The following PLEKHH2 variants were observed in gnomAD, a reference collection of about 807,000 sequenced individuals.
PLEKHH2 encodes pleckstrin homology domain-containing family H member 2.
In PLEKHH2, 129 loss-of-function variants were observed where a neutral mutation model predicts 187.9. The ratio of observed to expected loss-of-function variants is 0.69; its 90% CI spans 0.59 to 0.79. The LOEUF is 0.79. Among genes scored for constraint, PLEKHH2 ranks in the 30% least tolerant of loss-of-function variants. The pLI is 0.00. For synonymous variants in PLEKHH2, 686 were observed against 605.6 expected, an observed-to-expected ratio of 1.13 and a Z score of -1.95; for missense variants, 2,076 against 1,751.2, an observed-to-expected ratio of 1.19 and a Z score of -3.31.
rs5830767 is a variant in PLEKHH2, at chr2:43,705,251, C to CTTTTTTTTT, written c.1727-1057_1727-1049dup. 6.6e-4 allele frequency among the ~76,000 whole-genome samples: 63 copies of CTTTTTTTTT among 95,862 alleles called. 5 individuals carry two copies. Among genetic ancestry groups the CTTTTTTTTT allele is most frequent in the Non-Finnish European group, 8.7e-4 (45 of 51,508 alleles). 62.9% of individuals were successfully genotyped at this position (95,862 alleles called of 152,430 possible). A position where few individuals can be genotyped will look rare whatever the true frequency, so the allele number is the denominator to read the frequency against. On this transcript the variant is annotated intron_variant, in intron 9 of 29. Transcript: ENST00000282406. ...TTCTTTCCATTCAGGAAATTTTATC[C>CTTTTTTTTT]TTTTTTTTTTTTTTTTTTTTTTGAG...
chr2:43,721,607 G>C (rs1230276071), intron 16 of PLEKHH2, among the ~76,000 whole-genome samples: 2 of 152,196 alleles, frequency 1.3e-5, no homozygotes, highest in East Asian at 3.8e-4. Context: ...ACTGAGGCCA[G>C]GCATGATGGC....
At position 43,726,467 on chromosome 2, in the gene PLEKHH2, T is replaced by C. The variant is rs368844565; in HGVS notation, c.2721+16T>C. 20 of 1,570,276 alleles carry C rather than the reference T, an allele frequency of 1.3e-5. No homozygotes were observed. The highest frequency in any genetic ancestry group is 2.7e-5 in the African/African-American group (2 of 73,852). ...GCATGAAAAGGTATTCAAAGACTTA[T>C]TGGTTGATTTAGAATGATGTAGACT... is the stretch of plus-strand genomic sequence containing the variant. On this transcript the variant is annotated intron_variant, in intron 17 of 29. Transcript: ENST00000282406.
intron 3 of PLEKHH2, among the ~76,000 whole-genome samples, chr2:43,686,742 A>G (rs1668532204): frequency 6.6e-6 from 1 of 152,228 alleles, no homozygotes; most frequent in Non-Finnish European, 1.5e-5. Context: ...AATTTGCATT[A>G]AACATATAAA....
intron 15 of PLEKHH2, among the ~76,000 whole-genome samples, chr2:43,713,890 A>T (rs1022289484): frequency 6.6e-6 from 1 of 152,208 alleles, no homozygotes; most frequent in African/African-American, 2.4e-5. Flanking sequence ...GTGTTATTCC[A>T]TAATATTTAA....
Position 43,728,350 on chromosome 2 carries a change from G to T in PLEKHH2, c.2722-1287G>T, listed in dbSNP as rs539233778. Among the ~76,000 whole-genome samples the T allele has an allele frequency of 4.0e-5, 6 of 151,140 alleles. No homozygotes were observed. The South Asian group carries it at 1.3e-3, about 32-fold the overall frequency. Reference sequence around the variant, plus strand: ...AAAAAGTAGCTGGACGTGGTGACAGGTTCCTGTAATCCCAGCTACTTGGGA... The same window carrying T: ...AAAAAGTAGCTGGACGTGGTGACAGTTTCCTGTAATCCCAGCTACTTGGGA... On this transcript the variant is annotated intron_variant, in intron 17 of 29. Transcript: ENST00000282406.
intron 1 of PLEKHH2, among the ~76,000 whole-genome samples, chr2:43,640,702 C>T (rs1665859982): frequency 6.6e-6 from 1 of 152,118 alleles, no homozygotes; most frequent in Non-Finnish European, 1.5e-5. Context: ...AAATAATGTG[C>T]TTATTGGCCA....
intron 21 of PLEKHH2, 107 bp downstream of exon 21, chr2:43,741,150 A>C: frequency 1.0e-6 from 1 of 977,854 alleles, no homozygotes; most frequent in Non-Finnish European, 1.4e-6. Flanking sequence ...AGAATGTATG[A>C]AACAAATATT....
intron 2 of PLEKHH2, among the ~76,000 whole-genome samples, chr2:43,666,403 C>G (rs946849807): frequency 7.4e-5 from 11 of 148,114 alleles, no homozygotes; most frequent in Non-Finnish European, 1.5e-4. Context: ...AACCTGGTAC[C>G]TCAGATGGAA....
chr2:43,717,505 G>T (rs937232974), intron 15 of PLEKHH2, among the ~76,000 whole-genome samples: 1 of 152,182 alleles, frequency 6.6e-6, no homozygotes, highest in Non-Finnish European at 1.5e-5. Context: ...GAATTGGGAG[G>T]AAGTTGTGAT....
chr2:43,731,171 T>C lies in PLEKHH2; in HGVS notation c.2831-319T>C, dbSNP rs1024635012. On this transcript the variant is annotated intron_variant, in intron 18 of 29. Coordinates refer to ENST00000282406, the MANE Select transcript of PLEKHH2 (RefSeq NM_172069.4). ...GGTGAGGCAAATCAGTTTCAGTATATACTGCTTGGGTGATGGGTGCACCAA... is the reference window on the plus strand; with the variant it reads ...GGTGAGGCAAATCAGTTTCAGTATACACTGCTTGGGTGATGGGTGCACCAA... Among the ~76,000 whole-genome samples, 4 of 152,118 alleles carry C rather than the reference T, an allele frequency of 2.6e-5. No homozygotes were observed. The South Asian group carries it at 8.3e-4, about 31-fold the overall frequency.
At position 43,692,551 on chromosome 2, in the gene PLEKHH2, T is replaced by G. The variant is rs1668853783; in HGVS notation, c.224T>G (p.Ile75Ser). The G allele has an allele frequency of 6.3e-7, 1 of 1,590,566 alleles. No individual in the cohort carries two copies. The highest frequency in any genetic ancestry group is 8.6e-7 in the Non-Finnish European group (1 of 1,160,780). ...GAAGATAAATTAAAAGCAGCTAATATTCAAACCAGTGAATCAGAGACAAGA... is the reference window on the plus strand; with the variant it reads ...GAAGATAAATTAAAAGCAGCTAATAGTCAAACCAGTGAATCAGAGACAAGA... ...VMEDKLKAANIQTSESETRLY... is the reference protein window; with the variant it reads ...VMEDKLKAANSQTSESETRLY... The change falls in exon 4 of 30, where the codon ATT becomes AGT. Residue 75 changes from isoleucine (I) to serine (S), a missense_variant. By Grantham distance (142) the Ile-to-Ser change is moderately radical. Coordinates refer to ENST00000282406, the MANE Select transcript of PLEKHH2 (RefSeq NM_172069.4).
chr2:43,700,890 T>C (rs1669330885), intron 8 of PLEKHH2, among the ~76,000 whole-genome samples: 2 of 152,208 alleles, frequency 1.3e-5, no homozygotes, highest in South Asian at 2.1e-4. Context: ...CCTCAAGTGA[T>C]CCACCTGCCT....
At chr2:43,724,467 A>T (rs1200166394) in intron 16 of PLEKHH2, among the ~76,000 whole-genome samples, 2 of 152,248 alleles carry the variant, frequency 1.3e-5, no homozygotes, top group African/African-American at 2.4e-5. Context: ...AAATTAGAGC[A>T]AAAGTTTTAC....
At chr2:43,733,233 T>G (rs1671130675) in intron 19 of PLEKHH2, among the ~76,000 whole-genome samples, 1 of 151,894 alleles carries the variant, frequency 6.6e-6, no homozygotes, top group South Asian at 2.1e-4. Flanking sequence ...TGTGATGGCA[T>G]GCGCCTATAG....
chr2:43,697,924 C>G (rs554726268), intron 7 of PLEKHH2, among the ~76,000 whole-genome samples: 1 of 152,016 alleles, frequency 6.6e-6, no homozygotes, highest in Admixed American at 6.5e-5. Flanking sequence ...ATACAGATTT[C>G]TACTCTTCTT....
rs539937315 is a variant in PLEKHH2, at chr2:43,726,318, T to A, written c.2588T>A (p.Val863Asp). The change falls in exon 17 of 30, where the codon GTT becomes GAT. Residue 863 changes from valine to aspartate, a missense_variant. Val to Asp is a radical substitution (Grantham distance 152). Transcript: ENST00000282406. ...IKLWEAKVEE[V>D]DRSCDSDEDY... ...CTCTGGGAGGCTAAAGTGGAAGAGG[T>A]TGACAGATCTTGTGATTCAGATGAA... 9.3e-6 allele frequency: 15 copies of A among 1,612,268 alleles called. No individual in the cohort carries two copies. Among genetic ancestry groups the A allele is most frequent in the Admixed American group, 1.7e-5 (1 of 59,990 alleles).
chr2:43,719,596 C>A (rs11685939), intron 15 of PLEKHH2, among the ~76,000 whole-genome samples: 28,591 of 152,108 alleles, frequency 0.19, 3,133 homozygotes, highest in Middle Eastern at 0.29. Flanking sequence ...TCCACCACCA[C>A]GCCTGGCTAA....
intron 20 of PLEKHH2, among the ~76,000 whole-genome samples, chr2:43,738,922 G>A (rs981626575): frequency 3.9e-5 from 6 of 151,934 alleles, no homozygotes; most frequent in Non-Finnish European, 7.4e-5. Flanking sequence ...ATGGAGTTTC[G>A]CTCTTGTTGC....
At chr2:43,731,731 A>G (rs1572634319) in intron 19 of PLEKHH2, 129 bp downstream of exon 19, 1 of 596,356 alleles carries the variant, frequency 1.7e-6, no homozygotes, top group Non-Finnish European at 2.9e-6. Context: ...AAATGTGTTT[A>G]TTATTAAGAA....
Sources: allele counts gnomAD v4.1 joint callset (sites outside exome capture counted in the v4.1 genomes callset), GRCh38; gene constraint gnomAD v4.1.1; transcripts MANE v1.5; gene names NCBI Gene and HGNC (gene_info 2026-07-23, HGNC 2026-07-21).